Variants in GON4L observed in about 807,000 individuals in gnomAD.
GON4L encodes the protein gon-4 like, also known as GON-4-like protein.
A neutral mutation model predicts 211.8 loss-of-function variants in GON4L; 87 were observed. The ratio of observed to expected loss-of-function variants is 0.41; its 90% CI spans 0.35 to 0.49. GON4L has a LOEUF of 0.49. Ranked by LOEUF, GON4L falls within the 20% of genes least tolerant of loss-of-function variation. The pLI, the probability that GON4L is intolerant of heterozygous loss-of-function variation, is 0.15. For synonymous variants in GON4L, 875 were observed against 962.6 expected (o/e 0.91, Z 1.68); for missense variants, 2,155 against 2,659.5 (o/e 0.81, Z 4.17).
intron 17 of GON4L, chr1:155,773,519 A>C (rs708611): frequency 0.58 from 182,059 of 316,344 alleles, 56,413 homozygotes; most frequent in Middle Eastern, 0.7. Flanking sequence ...TATGCTCAAA[A>C]ATGTTTTACC....
chr1:155,812,437 A>G (rs1056878836), intron 10 of GON4L, among the ~76,000 whole-genome samples: 3 of 152,194 alleles, frequency 2.0e-5, no homozygotes, highest in Non-Finnish European at 2.9e-5. Flanking sequence ...TATTTAATCC[A>G]GGGTTGAATG....
rs1203708125 is a variant in GON4L, at chr1:155,754,348, C to A, written c.5631+27G>T. ...AACAATCCCCCAGCAGCTCTGATACCCTCGGGACCCTTGATACTTTCCTCA... is the reference window on the plus strand; with the variant it reads ...AACAATCCCCCAGCAGCTCTGATACACTCGGGACCCTTGATACTTTCCTCA... On this transcript the variant is annotated intron_variant, in intron 28 of 31. Transcript: ENST00000368331. 2.1e-5 allele frequency: 28 copies of A among 1,359,940 alleles called. No homozygotes were observed. In the Admixed American group the frequency reaches 4.7e-4, roughly 23 times the overall value. The allele number at this position is 1,359,940 out of a possible 1,614,324, so 84.2% of individuals were successfully genotyped here.
At position 155,844,428 on chromosome 1, in the gene GON4L, G is replaced by A. The variant is rs181350040; in HGVS notation, c.505+8848C>T. 4.6e-3 allele frequency among the ~76,000 whole-genome samples: 704 copies of A among 152,196 alleles called. 4 individuals are homozygous for A. Among genetic ancestry groups the A allele is most frequent in the African/African-American group, 0.016 (651 of 41,526 alleles). ...CACCTGGTTACATATATATAACCAG[G>A]GAACTGACCCCAACTATATCTGGTT... On this transcript the variant is annotated intron_variant, in intron 2 of 31. Coordinates refer to ENST00000368331, the MANE Select transcript of GON4L (RefSeq NM_001282860.2).
intron 6 of GON4L, among the ~76,000 whole-genome samples, chr1:155,816,932 A>C (rs1341235801): frequency 6.6e-6 from 1 of 152,144 alleles, no homozygotes; most frequent in African/African-American, 2.4e-5. Flanking sequence ...TCATTGTAAC[A>C]ATCTTTCAAC....
At chr1:155,803,398 C>T (rs929164429) in intron 11 of GON4L, among the ~76,000 whole-genome samples, 5 of 152,112 alleles carry the variant, frequency 3.3e-5, no homozygotes, top group African/African-American at 9.7e-5. Context: ...GCGTGCACCA[C>T]CACGCCCAGC....
In GON4L at chr1:155,855,363, G is replaced by GT. The variant is rs548651808; in HGVS notation, c.-26-1558dup. ...ATCCCTAATATCCAGCAGTATCTGGGTTTTTTTTTTTGAAACAAGGTCTTG... is the reference window on the plus strand; with the variant it reads ...ATCCCTAATATCCAGCAGTATCTGGGTTTTTTTTTTTTGAAACAAGGTCTTG... On this transcript the variant is annotated intron_variant, in intron 1 of 31. Coordinates refer to ENST00000368331, the MANE Select transcript of GON4L (RefSeq NM_001282860.2). Among the ~76,000 whole-genome samples, 303 of 146,104 alleles carry GT rather than the reference G, an allele frequency of 2.1e-3. 1 individual carries two copies. The highest frequency in any genetic ancestry group is 3.1e-3 in the Non-Finnish European group (204 of 66,076).
intron 2 of GON4L, among the ~76,000 whole-genome samples, chr1:155,851,789 C>CT (rs990022860): frequency 1.3e-5 from 2 of 152,008 alleles, no homozygotes; most frequent in African/African-American, 4.8e-5. Context: ...GTTTAAATGA[C>CT]TATCACCTAC....
downstream of GON4L, chr1:155,746,931 G>T (rs1486226441): frequency 6.2e-7 from 1 of 1,601,114 alleles, no homozygotes; most frequent in Non-Finnish European, 8.5e-7. Flanking sequence ...TCTCCATAGG[G>T]GCAGGTAAAC....
chr1:155,835,856 A>G (rs1409789419), intron 2 of GON4L, among the ~76,000 whole-genome samples: 3 of 152,176 alleles, frequency 2.0e-5, no homozygotes, highest in Non-Finnish European at 4.4e-5. Flanking sequence ...CTGAGCCCCA[A>G]TTTGGGGTTC....
chr1:155,804,707 A>T (rs1408655977), intron 11 of GON4L, among the ~76,000 whole-genome samples: 2 of 151,908 alleles, frequency 1.3e-5, no homozygotes, highest in Non-Finnish European at 2.9e-5. Flanking sequence ...GCTTGAGCCC[A>T]GGAGGTCAAG....
chr1:155,858,703 ATTTTT>A (rs61526659), upstream of GON4L, among the ~76,000 whole-genome samples: 3 of 89,286 alleles, frequency 3.4e-5, no homozygotes, highest in Admixed American at 1.4e-4. Context: ...GTACAACCAA[ATTTTT>A]TTTTTTTTTT....
intron 11 of GON4L, among the ~76,000 whole-genome samples, chr1:155,803,258 T>C (rs1666849298): frequency 6.6e-6 from 1 of 151,454 alleles, no homozygotes; most frequent in Non-Finnish European, 1.5e-5. Context: ...TTTTTTTTTT[T>C]TTTTTGAGAT....
intron 11 of GON4L, among the ~76,000 whole-genome samples, chr1:155,798,489 A>T (rs1571781836): frequency 7.0e-6 from 1 of 143,140 alleles, no homozygotes; most frequent in Non-Finnish European, 1.5e-5. Context: ...GGCTCGCTGC[A>T]AGCTCTGCCT....
intron 24 of GON4L, among the ~76,000 whole-genome samples, chr1:155,759,049 T>G (rs1661485909): frequency 6.6e-6 from 1 of 151,822 alleles, no homozygotes; most frequent in Non-Finnish European, 1.5e-5. Flanking sequence ...CAAACTGGAG[T>G]GTAGTGGAGC....
intron 5 of GON4L, 96 bp from the exon 6 acceptor site, chr1:155,820,752 G>A: frequency 1.1e-6 from 1 of 887,434 alleles, no homozygotes; most frequent in Admixed American, 1.8e-5. Context: ...GGGCCAAGGT[G>A]GGAGGATGGC....
At chr1:155,842,940 T>C (rs1375867478) in intron 2 of GON4L, among the ~76,000 whole-genome samples, 1 of 152,156 alleles carries the variant, frequency 6.6e-6, no homozygotes, top group Non-Finnish European at 1.5e-5. Context: ...GCACTCCCAC[T>C]GCTGTTAAAC....
chr1:155,835,982 G>A (rs755962228), intron 2 of GON4L, among the ~76,000 whole-genome samples: 63 of 152,308 alleles, frequency 4.1e-4, no homozygotes, highest in Non-Finnish European at 2.9e-4. Flanking sequence ...CGTGGCTCAC[G>A]CCTGTAATCC....
chr1:155,745,412 G>T (rs1337938164), downstream of GON4L, among the ~76,000 whole-genome samples: 2 of 152,262 alleles, frequency 1.3e-5, no homozygotes, highest in Non-Finnish European at 2.9e-5. Context: ...GGCTTTAGCG[G>T]AGCTTCCGCT....
At chr1:155,815,689 C>T (rs1668174629) in intron 8 of GON4L, 116 bp downstream of exon 8, 1 of 718,272 alleles carries the variant, frequency 1.4e-6, no homozygotes, top group Admixed American at 2.0e-5. Flanking sequence ...GCTTAAAGCA[C>T]AGAAATGAGC....
Sources: gnomAD v4.1 joint callset for allele counts (sites outside exome capture counted in the v4.1 genomes callset) on GRCh38, gnomAD v4.1.1 for gene constraint, MANE v1.5 for transcripts, NCBI Gene and HGNC (gene_info 2026-07-23, HGNC 2026-07-21) for gene names.